Variants in REV3L observed in about 807,000 individuals in gnomAD.
The protein encoded by REV3L is REV3 like, DNA directed polymerase zeta catalytic subunit, also known as DNA polymerase zeta catalytic subunit.
A neutral mutation model predicts 299.4 loss-of-function variants in REV3L; 69 were observed. The ratio of observed to expected loss-of-function variants is 0.23; its 90% CI spans 0.19 to 0.28. REV3L has a LOEUF of 0.28. REV3L is among the 10% of genes least tolerant of loss of function. The probability of loss-of-function intolerance (pLI) is 1.00; values close to 1 mark genes in which losing one functional copy is unlikely to be tolerated. For synonymous variants in REV3L, 1,238 were observed against 1,271.4 expected, an observed-to-expected ratio of 0.97 and a Z score of 0.56; for missense variants, 3,128 against 3,693.8, an observed-to-expected ratio of 0.85 and a Z score of 3.97.
chr6:111,455,806 G>C (rs1054142811), intron 1 of REV3L, among the ~76,000 whole-genome samples: 2 of 152,132 alleles, frequency 1.3e-5, no homozygotes, highest in Non-Finnish European at 2.9e-5. Flanking sequence ...TAGGATAAAA[G>C]AACACAATGC....
chr6:111,381,923 G>A (rs943469207), intron 9 of REV3L, among the ~76,000 whole-genome samples: 3 of 152,188 alleles, frequency 2.0e-5, no homozygotes, highest in Non-Finnish European at 4.4e-5. Flanking sequence ...AAAATAAAGA[G>A]CTTAGTGTAA....
intron 18 of REV3L, among the ~76,000 whole-genome samples, chr6:111,353,065 G>A (rs1045673142): frequency 2.0e-5 from 3 of 152,072 alleles, no homozygotes; most frequent in Admixed American, 1.3e-4. Context: ...AATTTAAATC[G>A]TTGAGTTTTA....
chr6:111,393,719 A>G (rs773443792), intron 4 of REV3L, among the ~76,000 whole-genome samples: 20 of 151,836 alleles, frequency 1.3e-4, no homozygotes, highest in Non-Finnish European at 2.5e-4. Context: ...TTTTTTTGAC[A>G]TGACATCTTG....
chr6:111,467,050 A>G (rs1401126886), intron 1 of REV3L, among the ~76,000 whole-genome samples: 1 of 152,224 alleles, frequency 6.6e-6, no homozygotes, highest in Non-Finnish European at 1.5e-5. Flanking sequence ...AAGCATGGTA[A>G]AAAACTGGCT....
chr6:111,307,681 A>C, intron 30 of REV3L, 111 bp from the exon 31 acceptor site: 5 of 963,434 alleles, frequency 5.2e-6, no homozygotes, highest in African/African-American at 1.6e-5. Context: ...TCATTCACTC[A>C]TTCAACAAAT....
intron 1 of REV3L, among the ~76,000 whole-genome samples, chr6:111,477,631 G>A (rs1042811007): frequency 3.9e-5 from 6 of 152,316 alleles, no homozygotes; most frequent in African/African-American, 1.2e-4. Flanking sequence ...CATGGCTCAA[G>A]TCATGACTAG....
At chr6:111,350,481 A>G (rs1204134253) in intron 19 of REV3L, among the ~76,000 whole-genome samples, 4 of 152,096 alleles carry the variant, frequency 2.6e-5, no homozygotes, top group Non-Finnish European at 5.9e-5. Context: ...AGATATTGAA[A>G]AAAAAAAAAG....
At chr6:111,394,748 G>A (rs1479240509) in intron 4 of REV3L, among the ~76,000 whole-genome samples, 1 of 147,884 alleles carries the variant, frequency 6.8e-6, no homozygotes. Flanking sequence ...CTGTCATCCA[G>A]GCTGGAGTGC....
intron 1 of REV3L, among the ~76,000 whole-genome samples, chr6:111,456,174 C>G (rs1292740933): frequency 6.6e-6 from 1 of 152,182 alleles, no homozygotes; most frequent in East Asian, 1.9e-4. Context: ...TGTCGTTAAG[C>G]AACACACAAC....
Position 111,373,586 on chromosome 6 carries a change from T to G in REV3L, c.4769A>C (p.Lys1590Thr), listed in dbSNP as rs1562206258. ...PRKPRTPRST[K>T]QKEKIPKLLK... Reference sequence around the variant, plus strand: ...AAGTTTGGGGATTTTTTCTTTTTGTTTTGTACTTCTGGGAGTTCGAGGTTT... The same window carrying G: ...AAGTTTGGGGATTTTTTCTTTTTGTGTTGTACTTCTGGGAGTTCGAGGTTT... Residue 1590 changes from lysine to threonine, a missense_variant, in exon 13 of 32, where the codon AAA (lysine) becomes ACA (threonine). Lys to Thr is a moderately conservative substitution (Grantham distance 78). Coordinates refer to ENST00000368802, the MANE Select transcript of REV3L (RefSeq NM_001372078.1). The G allele has an allele frequency of 3.7e-6, 6 of 1,613,974 alleles. No homozygotes were observed. The highest frequency in any genetic ancestry group is 1.7e-5 in the Admixed American group (1 of 60,000).
At position 111,365,330 on chromosome 6, in the gene REV3L, T is replaced by G; in HGVS notation, c.6688A>C (p.Lys2230Gln). The G allele has an allele frequency of 1.9e-6, 3 of 1,569,744 alleles. No individual in the cohort carries two copies. Among genetic ancestry groups the G allele is most frequent in the Non-Finnish European group, 2.6e-6 (3 of 1,157,550 alleles). The part of the protein sequence containing the change: ...SPLSTEPKTQ[K>Q]LSNKKGSNTD... ...TTACTTCCTTTCTTATTACTCAACT[T>G]CTGTGTTTTTGGTTCTGTAGAAAGA... is the stretch of plus-strand genomic sequence containing the variant. The change falls in exon 15 of 32, where the codon AAG (lysine) becomes CAG (glutamine). Residue 2230 changes from lysine (K) to glutamine (Q), a missense_variant. By Grantham distance (53) the Lys-to-Gln change is moderately conservative. Transcript: ENST00000368802.
intron 25 of REV3L, among the ~76,000 whole-genome samples, chr6:111,323,567 G>C (rs1306314408): frequency 6.6e-6 from 1 of 152,138 alleles, no homozygotes; most frequent in Non-Finnish European, 1.5e-5. Context: ...GGTGATTAGT[G>C]AATTTTAACA....
rs77280946 is a variant in REV3L at position 111,418,163 on chromosome 6, G to A, written c.140-1691C>T. Among the ~76,000 whole-genome samples the A allele has an allele frequency of 5.1e-3, 769 of 152,274 alleles. 7 individuals carry two copies. The highest frequency in any genetic ancestry group is 0.017 in the African/African-American group (700 of 41,548). On this transcript the variant is annotated intron_variant, in intron 1 of 31. Transcript: ENST00000368802. ...TGGTATGCTAAACTACAGGTTGAGGGAGGTGGGAAGACAGTGAATTATTTC... is the reference window on the plus strand; with the variant it reads ...TGGTATGCTAAACTACAGGTTGAGGAAGGTGGGAAGACAGTGAATTATTTC...
chr6:111,305,910 G>C (rs1772235002), intron 31 of REV3L, among the ~76,000 whole-genome samples: 1 of 152,198 alleles, frequency 6.6e-6, no homozygotes, highest in Non-Finnish European at 1.5e-5. Flanking sequence ...TGGTTGTACT[G>C]ACTAGAACCA....
intron 1 of REV3L, among the ~76,000 whole-genome samples, chr6:111,464,152 T>C (rs1050589075): frequency 2.0e-5 from 3 of 151,998 alleles, no homozygotes; most frequent in African/African-American, 7.2e-5. Flanking sequence ...TCCATAAATA[T>C]GTTAGTTCCC....
chr6:111,336,832 T>C (rs1156757380), intron 21 of REV3L, among the ~76,000 whole-genome samples: 2 of 152,190 alleles, frequency 1.3e-5, no homozygotes, highest in Non-Finnish European at 2.9e-5. Context: ...GATACAGTAT[T>C]ATTCAGCAAT....
At chr6:111,308,403 T>C (rs2114711542) in intron 30 of REV3L, among the ~76,000 whole-genome samples, 1 of 152,304 alleles carries the variant, frequency 6.6e-6, no homozygotes, top group Admixed American at 6.5e-5. Flanking sequence ...GTGGGCAAGA[T>C]CATCTAACAC....
At chr6:111,405,287 A>T (rs1277202400) in intron 4 of REV3L, 183 bp downstream of exon 4, 5 of 432,006 alleles carry the variant, frequency 1.2e-5, no homozygotes, top group South Asian at 6.7e-5. Flanking sequence ...ACCAAAAAAA[A>T]TTTTTTCTGA....
In REV3L at chr6:111,358,953, G is replaced by A. The variant is rs1778368851; in HGVS notation, c.6941C>T (p.Pro2314Leu). Residue 2314 changes from proline (P) to leucine (L), a missense_variant, in exon 17 of 32, where the codon CCG (proline) becomes CTG (leucine). By Grantham distance (98) the Pro-to-Leu change is moderately conservative. This residue lies in a region of REV3L where 82 missense variants were observed against 142.7 expected (regional missense o/e 0.57). Transcript: ENST00000368802. ...LHARTRRDLE[P>L]DPEFDPICAL... ...ACAGATTGGGTCAAATTCAGGATCC[G>A]GTTCTAAGTCTCGTCTAGTTCGAGC... is the stretch of plus-strand genomic sequence containing the variant. 1.9e-6 allele frequency: 3 copies of A among 1,613,912 alleles called. No individual in the cohort carries two copies. Among genetic ancestry groups the A allele is most frequent in the Admixed American group, 1.7e-5 (1 of 59,992 alleles).
Sources: gnomAD v4.1 joint callset for allele counts (sites outside exome capture counted in the v4.1 genomes callset) on GRCh38, gnomAD v4.1.1 for gene constraint, gnomAD v4.1.1 regional missense constraint, MANE v1.5 for transcripts, NCBI Gene and HGNC (gene_info 2026-07-23, HGNC 2026-07-21) for gene names.